NAA15: variants seen among roughly 807,000 people sequenced by gnomAD.
NAA15 encodes N-terminal acetyltransferase.
NAA15 carries 34 observed loss-of-function variants against 114.0 expected under a neutral mutation model. The ratio of observed to expected loss-of-function variants is 0.30; its 90% confidence interval spans 0.23 to 0.40. The LOEUF (loss-of-function observed/expected upper bound fraction) is 0.40. Ranked by LOEUF, NAA15 falls within the 10% of genes least tolerant of loss-of-function variation. The probability of loss-of-function intolerance (pLI) is 1.00; values close to 1 mark genes in which losing one functional copy is unlikely to be tolerated. For synonymous variants in NAA15, 340 were observed against 338.0 expected (o/e 1.01, Z -0.06); for missense variants, 658 against 1,004.5 (o/e 0.66, Z 4.66).
chr4:139,344,737 T>C (rs1747527112), intron 6 of NAA15, among the ~76,000 whole-genome samples: 1 of 152,220 alleles, frequency 6.6e-6, no homozygotes. Context: ...TTGCTAATAA[T>C]ATATATTGAT....
Position 139,360,607 on chromosome 4 carries a change from G to GAA in NAA15, c.1520_1521dup (p.Cys508AsnfsTer10). 1 of 1,607,536 alleles carries GAA rather than the reference G, an allele frequency of 6.2e-7. No individual in the cohort carries two copies. The highest frequency in any genetic ancestry group is 8.5e-7 in the Non-Finnish European group (1 of 1,177,008). On this transcript the variant is annotated frameshift_variant, in exon 13 of 20. Transcript: ENST00000296543. LOFTEE classifies it high-confidence loss of function. ...TGAATAAATTTGGTGAAGCACTTAA[G>GAA]AAATGTCATGAGATTGAGAGAGTAA...
Position 139,388,192 on chromosome 4 carries a change from A to C in NAA15, c.*108A>C, listed in dbSNP as rs1166017046. 3.5e-6 allele frequency: 3 copies of C among 865,346 alleles called. No homozygotes were observed. The highest frequency in any genetic ancestry group is 5.3e-6 in the Non-Finnish European group (3 of 569,772). The allele number at this position is 865,346 out of a possible 1,614,324, so 53.6% of individuals were successfully genotyped here. ...AACTTACACAGAATGAGAGGAGTAAATGTTCTTGCCTTCAAATAGTGTTTT... is the reference window on the plus strand; with the variant it reads ...AACTTACACAGAATGAGAGGAGTAACTGTTCTTGCCTTCAAATAGTGTTTT... On this transcript the variant is annotated 3_prime_UTR_variant, in exon 20 of 20. Coordinates refer to ENST00000296543, the MANE Select transcript of NAA15 (RefSeq NM_057175.5).
In NAA15 at chr4:139,364,091, G is replaced by A. The variant is rs531362781; in HGVS notation, c.1753+2154G>A. ...TGGTCTTGCCATGTTGCCCAGGCTT[G>A]TCTTGAGCCCCTTGGCTCAAGTGAT... On this transcript the variant is annotated intron_variant, in intron 14 of 19. Coordinates refer to ENST00000296543, the MANE Select transcript of NAA15 (RefSeq NM_057175.5). Among the ~76,000 whole-genome samples, 20 of 152,280 alleles carry A rather than the reference G, an allele frequency of 1.3e-4. 1 individual carries two copies. The highest frequency in any genetic ancestry group is 1.3e-3 in the Admixed American group (20 of 15,308).
Position 139,386,219 on chromosome 4 carries a change from A to G in NAA15, c.2389A>G (p.Arg797Gly). The G allele has an allele frequency of 6.3e-7, 1 of 1,593,422 alleles. No individual in the cohort carries two copies. Among genetic ancestry groups the G allele is most frequent in the Non-Finnish European group, 8.6e-7 (1 of 1,164,002 alleles). The change falls in exon 19 of 20, where the codon AGA becomes GGA. Residue 797 changes from arginine to glycine, a missense_variant. Arg to Gly is a moderately radical substitution (Grantham distance 125). Around this residue, in one of 6 missense-constraint regions of NAA15, gnomAD observed 275 missense variants for 371.1 expected, o/e 0.74. Coordinates refer to ENST00000296543, the MANE Select transcript of NAA15 (RefSeq NM_057175.5). ...ATTLDESLTN[R>G]NLQTCMEVLE... ...AACACTTGATGAATCTCTCACTAACAGAAACCTCCAGGTAAAGAGTTTTTC... is the reference window on the plus strand; with the variant it reads ...AACACTTGATGAATCTCTCACTAACGGAAACCTCCAGGTAAAGAGTTTTTC...
intron 1 of NAA15, among the ~76,000 whole-genome samples, chr4:139,325,045 A>G (rs1229335356): frequency 6.6e-6 from 1 of 152,160 alleles, no homozygotes; most frequent in Admixed American, 6.5e-5. Context: ...TCTAAAACTC[A>G]GTTACTGTTC....
At chr4:139,346,765 T>C (rs1413035292) in intron 6 of NAA15, among the ~76,000 whole-genome samples, 1 of 152,092 alleles carries the variant, frequency 6.6e-6, no homozygotes, top group East Asian at 1.9e-4. Context: ...AGGCTGGTCT[T>C]GATCTTCTGA....
intron 10 of NAA15, 38 bp from the exon 11 acceptor site, chr4:139,357,348 A>G (rs1433335063): frequency 6.3e-7 from 1 of 1,595,204 alleles, no homozygotes. Flanking sequence ...TAATATATGT[A>G]ATGCCTCATC....
In NAA15 at chr4:139,388,171, T is replaced by TA. The variant is rs537437217; in HGVS notation, c.*88dup. On this transcript the variant is annotated 3_prime_UTR_variant, in exon 20 of 20. Coordinates refer to ENST00000296543, the MANE Select transcript of NAA15 (RefSeq NM_057175.5). The stretch of plus-strand genomic sequence containing the variant: ...ACGCACCTGCTGCATTGCTCTAACT[T>TA]ACACAGAATGAGAGGAGTAAATGTT... The TA allele has an allele frequency of 2.7e-6, 3 of 1,092,492 alleles. No individual in the cohort carries two copies. The highest frequency in any genetic ancestry group is 3.0e-5 in the South Asian group (2 of 65,922). 67.7% of individuals were successfully genotyped at this position (1,092,492 alleles called of 1,614,324 possible).
chr4:139,323,033 ATTTCT>A (rs1746672939), intron 1 of NAA15, among the ~76,000 whole-genome samples: 1 of 139,390 alleles, frequency 7.2e-6, no homozygotes, highest in Admixed American at 7.3e-5. Context: ...CCTGTGGCAG[ATTTCT>A]TTTTCTTTTC....
intron 13 of NAA15, 142 bp from the exon 14 acceptor site, chr4:139,361,582 C>A: frequency 3.5e-6 from 2 of 569,872 alleles, no homozygotes; most frequent in Non-Finnish European, 6.0e-6. Flanking sequence ...CAAAATATTC[C>A]TGTTGAATAA....
intron 14 of NAA15, among the ~76,000 whole-genome samples, chr4:139,362,911 ATTTC>A (rs918321526): frequency 6.6e-6 from 1 of 152,024 alleles, no homozygotes; most frequent in African/African-American, 2.4e-5. Flanking sequence ...TTTTAAGCCT[ATTTC>A]TTTTTTGAGG....
intron 11 of NAA15, among the ~76,000 whole-genome samples, chr4:139,358,939 AC>A (rs927251126): frequency 5.9e-5 from 9 of 151,728 alleles, no homozygotes; most frequent in Non-Finnish European, 1.3e-4. Flanking sequence ...ATATGGTGAA[AC>A]CCCATCTCTA....
At chr4:139,332,572 GTTTTTTTTTTTTT>G (rs1164115947) in intron 1 of NAA15, among the ~76,000 whole-genome samples, 786 of 62,072 alleles carry the variant, frequency 0.013, 23 homozygotes, top group African/African-American at 0.057. Context: ...TGGTTTGTAT[GTTTTTTTTTTTTT>G]TTTTTTTTTT....
chr4:139,315,735 G>A (rs1297507081), intron 1 of NAA15, among the ~76,000 whole-genome samples: 1 of 151,504 alleles, frequency 6.6e-6, no homozygotes, highest in African/African-American at 2.4e-5. Context: ...TTTGGTTTAT[G>A]TTATACTTAC....
At chr4:139,378,920 C>T (rs1037248299) in intron 17 of NAA15, 66 bp downstream of exon 17, 1 of 990,010 alleles carries the variant, frequency 1.0e-6, no homozygotes, top group Non-Finnish European at 1.5e-6. Context: ...TATAAGTGGT[C>T]TGTACAAGTT....
rs1193531138 is a variant in NAA15 at position 139,378,807 on chromosome 4, C to G, written c.2108C>G (p.Ser703Cys). Residue 703 changes from serine (S) to cysteine (C), a missense_variant, in exon 17 of 20, where the codon TCT becomes TGT. This residue lies in a region of NAA15 where 275 missense variants were observed against 371.1 expected (regional missense o/e 0.74). Transcript: ENST00000296543. ...GTAAAGAGGGCATTTGCTATTGATT[C>G]TAGTCATCCCTGGCTTCATGAGTGT... ...QSVKRAFAID[S>C]SHPWLHECMI... 3 of 1,554,824 alleles carry G rather than the reference C, an allele frequency of 1.9e-6. No individual in the cohort carries two copies. The highest frequency in any genetic ancestry group is 2.3e-5 in the Admixed American group (1 of 42,788).
intron 12 of NAA15, 145 bp from the exon 13 acceptor site, chr4:139,360,355 T>C: frequency 1.7e-6 from 1 of 584,180 alleles, no homozygotes; most frequent in South Asian, 3.9e-5. Flanking sequence ...TCAGTTGTTT[T>C]CCCATGTTAA....
intron 4 of NAA15, among the ~76,000 whole-genome samples, chr4:139,342,479 G>GTGT (rs758145515): frequency 2.4e-5 from 3 of 125,550 alleles, no homozygotes; most frequent in South Asian, 2.5e-4. Context: ...ATTAATGTGT[G>GTGT]TTTTTTTTTT....
At position 139,360,583 on chromosome 4, in the gene NAA15, G is replaced by C. The variant is rs1359713299; in HGVS notation, c.1494G>C (p.Met498Ile). ...QTECAQAYKAMNKFGEALKKC... is the reference protein window; with the variant it reads ...QTECAQAYKAINKFGEALKKC... The stretch of plus-strand genomic sequence containing the variant: ...AATGTGCCCAGGCTTATAAAGCAAT[G>C]AATAAATTTGGTGAAGCACTTAAGA... The change falls in exon 13 of 20, where the codon ATG (methionine) becomes ATC (isoleucine). Residue 498 changes from methionine to isoleucine, a missense_variant. Around this residue, in one of 6 missense-constraint regions of NAA15, gnomAD observed 281 missense variants for 389.1 expected, o/e 0.72. Coordinates refer to ENST00000296543, the MANE Select transcript of NAA15 (RefSeq NM_057175.5). 2 of 1,609,668 alleles carry C rather than the reference G, an allele frequency of 1.2e-6. No individual in the cohort carries two copies. Among genetic ancestry groups the C allele is most frequent in the Non-Finnish European group, 8.5e-7 (1 of 1,177,978 alleles).
Sources: gnomAD v4.1 joint callset for allele counts (sites outside exome capture counted in the v4.1 genomes callset) on GRCh38, gnomAD v4.1.1 for gene constraint, gnomAD v4.1.1 regional missense constraint, MANE v1.5 for transcripts, NCBI Gene and HGNC (gene_info 2026-07-23, HGNC 2026-07-21) for gene names.